NIPAL3: variants seen among roughly 807,000 people sequenced by gnomAD.
NIPAL3 encodes the protein NIPA-like protein 3.
In NIPAL3, 41 loss-of-function variants were observed where a neutral mutation model predicts 47.2. The observed-to-expected ratio is 0.87, with a 90% CI of 0.68 to 1.13. The LOEUF is 1.13. Among genes scored for constraint, NIPAL3 ranks in the 50% most tolerant of loss-of-function variants. NIPAL3 has a pLI of 0.00. For synonymous variants in NIPAL3, 194 were observed against 209.6 expected (o/e 0.93, Z 0.64); for missense variants, 449 against 530.1 (o/e 0.85, Z 1.50).
At chr1:24,436,039 A>G (rs1645088713) in intron 2 of NIPAL3, among the ~76,000 whole-genome samples, 1 of 152,146 alleles carries the variant, frequency 6.6e-6, no homozygotes, top group Admixed American at 6.5e-5. Context: ...TTTTATAAGA[A>G]CACTAATTCC....
At chr1:24,445,107 C>T in intron 4 of NIPAL3, 78 bp from the exon 5 acceptor site, 1 of 991,490 alleles carries the variant, frequency 1.0e-6, no homozygotes, top group Non-Finnish European at 1.6e-6. Context: ...AAAGAAGCCA[C>T]CCAGAGGGCA....
chr1:24,425,398 T>A (rs1043772269), intron 2 of NIPAL3, among the ~76,000 whole-genome samples: 1 of 152,206 alleles, frequency 6.6e-6, no homozygotes, highest in Non-Finnish European at 1.5e-5. Flanking sequence ...TCTTCCAATG[T>A]GGCCCAGGGA....
At position 24,460,679 on chromosome 1, in the gene NIPAL3, C is replaced by T. The variant is rs1408755093; in HGVS notation, c.926+135C>T. ...GAGCTGTGGGGTTTTGGAGCTTTGTCCCCAGAGGTGAGCGTTTTATTCCTC... is the reference window on the plus strand; with the variant it reads ...GAGCTGTGGGGTTTTGGAGCTTTGTTCCCAGAGGTGAGCGTTTTATTCCTC... On this transcript the variant is annotated intron_variant, in intron 10 of 11. Coordinates refer to ENST00000374399, the MANE Select transcript of NIPAL3 (RefSeq NM_020448.5). 3 of 647,990 alleles carry T rather than the reference C, an allele frequency of 4.6e-6. No individual in the cohort carries two copies. In the African/African-American group the frequency reaches 5.8e-5, roughly 13 times the overall value. The allele number at this position is 647,990 out of a possible 1,614,324, so 40.1% of individuals were successfully genotyped here.
At chr1:24,415,741 C>T, upstream of NIPAL3, 5 of 658,196 alleles carry the variant, frequency 7.6e-6, no homozygotes, top group South Asian at 1.3e-4. Context: ...GACTGGCAGG[C>T]AGTCTGGCAA....
At chr1:24,460,354 G>T in intron 9 of NIPAL3, 127 bp from the exon 10 acceptor site, 1 of 727,790 alleles carries the variant, frequency 1.4e-6, no homozygotes, top group South Asian at 1.9e-5. Flanking sequence ...TTCTTGTAAG[G>T]CACAGTCATA....
intron 5 of NIPAL3, among the ~76,000 whole-genome samples, chr1:24,448,114 A>G (rs917564870): frequency 6.6e-6 from 1 of 152,196 alleles, no homozygotes; most frequent in Admixed American, 6.5e-5. Flanking sequence ...CACCTCCTAC[A>G]TTTACGAGGC....
At chr1:24,442,875 C>G (rs768243537) in intron 4 of NIPAL3, among the ~76,000 whole-genome samples, 2 of 152,216 alleles carry the variant, frequency 1.3e-5, no homozygotes, top group Non-Finnish European at 2.9e-5. Context: ...GAAACAGAAG[C>G]AGGAGGATCC....
chr1:24,461,730 A>C (rs970797664), intron 10 of NIPAL3, among the ~76,000 whole-genome samples: 13 of 151,508 alleles, frequency 8.6e-5, no homozygotes, highest in Admixed American at 7.2e-4. Flanking sequence ...TTAGCCAGGC[A>C]TGGTGGCAGG....
At chr1:24,437,320 C>A (rs564676246) in intron 2 of NIPAL3, among the ~76,000 whole-genome samples, 1 of 152,274 alleles carries the variant, frequency 6.6e-6, no homozygotes, top group Non-Finnish European at 1.5e-5. Flanking sequence ...ATAATTAGTT[C>A]TGTGGTAAGG....
chr1:24,430,417 T>C (rs1443528819), intron 2 of NIPAL3, among the ~76,000 whole-genome samples: 2 of 152,048 alleles, frequency 1.3e-5, no homozygotes, highest in East Asian at 3.9e-4. Flanking sequence ...ACCTGGCTAA[T>C]TTTTGTATTT....
chr1:24,454,325 C>T lies in NIPAL3; in HGVS notation c.637+821C>T. On this transcript the variant is annotated intron_variant, in intron 7 of 11. Transcript: ENST00000374399. This position sits in a 1 kb window ranked among gnomAD's most constrained non-coding sequence, Gnocchi z 4.1. ...TGCTACCGCGCTGCTCTTGAGTGGC[C>T]TCAGGCTAATGACCCTCCCTCCTTA... 5 of 1,115,000 alleles carry T rather than the reference C, an allele frequency of 4.5e-6. No homozygotes were observed. The highest frequency in any genetic ancestry group is 4.4e-6 in the Non-Finnish European group (4 of 905,374). 69.1% of individuals were successfully genotyped at this position (1,115,000 alleles called of 1,614,324 possible).
In NIPAL3 at chr1:24,454,099, T is replaced by C. The variant is rs1276679850; in HGVS notation, c.637+595T>C. The C allele has an allele frequency of 1.1e-6, 1 of 933,166 alleles. No individual in the cohort carries two copies. Among genetic ancestry groups the C allele is most frequent in the Admixed American group, 2.4e-5 (1 of 41,282 alleles). 57.8% of individuals were successfully genotyped at this position (933,166 alleles called of 1,614,324 possible). ...TGGAGTGCAGTGGTACAATCTTAGC[T>C]CTCTGCAGCCTTGACCTCCTGGCCT... On this transcript the variant is annotated intron_variant, in intron 7 of 11. Coordinates refer to ENST00000374399, the MANE Select transcript of NIPAL3 (RefSeq NM_020448.5). The surrounding 1 kb of genome is among the most constrained non-coding windows in gnomAD (Gnocchi z 4.1).
Position 24,442,207 on chromosome 1 carries a change from C to G in NIPAL3, c.315C>G (p.Leu105=). 1 of 1,614,056 alleles carries G rather than the reference C, an allele frequency of 6.2e-7. No individual in the cohort carries two copies. The highest frequency in any genetic ancestry group is 2.2e-5 in the East Asian group (1 of 44,882). Residue 105 remains leucine (L), a synonymous_variant, in exon 4 of 12, where the codon CTC becomes CTG. Transcript: ENST00000374399. ...AFAPLSLIVP[L]SAVSVIASAI... is the part of the protein sequence containing the mutation. ...CGCCGCTGTCACTCATCGTGCCCCT[C>G]AGCGCAGTTTCTGTGATAGGTAAGA... is the stretch of plus-strand genomic sequence containing the variant.
At position 24,456,036 on chromosome 1, in the gene NIPAL3, C is replaced by T. The variant is rs181145743; in HGVS notation, c.638-102C>T. On this transcript the variant is annotated intron_variant, in intron 7 of 11. Coordinates refer to ENST00000374399, the MANE Select transcript of NIPAL3 (RefSeq NM_020448.5). ...GCTTGACTCTGTTCCTGTTCCCTCCCCTCTGTCTCCCCAAGTCCTTTGGGG... is the reference window on the plus strand; with the variant it reads ...GCTTGACTCTGTTCCTGTTCCCTCCTCTCTGTCTCCCCAAGTCCTTTGGGG... The T allele has an allele frequency of 2.2e-4, 309 of 1,398,604 alleles. 2 individuals carry two copies. In the African/African-American group the frequency reaches 4.0e-3, roughly 18 times the overall value. The allele number at this position is 1,398,604 out of a possible 1,614,324, so 86.6% of individuals were successfully genotyped here. A position where few individuals can be genotyped will look rare whatever the true frequency, so the allele number is the denominator to read the frequency against.
At chr1:24,420,546 A>C (rs1240200714) in intron 2 of NIPAL3, among the ~76,000 whole-genome samples, 1 of 152,102 alleles carries the variant, frequency 6.6e-6, no homozygotes, top group Non-Finnish European at 1.5e-5. Flanking sequence ...TATGTATATC[A>C]CCTACTCCAT....
intron 3 of NIPAL3, 109 bp downstream of exon 3, chr1:24,440,349 C>A: frequency 1.3e-6 from 1 of 752,500 alleles, no homozygotes; most frequent in Non-Finnish European, 2.0e-6. Context: ...CCTACTGCAT[C>A]CCTGGGCTGC....
In NIPAL3 at chr1:24,443,204, T is replaced by C. The variant is rs1366779226; in HGVS notation, c.334+978T>C. ...AAAGACAAGGGAGCTTTAATGTTCA[T>C]GAGAACACAAGCAAAACAGAATTAG... On this transcript the variant is annotated intron_variant, in intron 4 of 11. Coordinates refer to ENST00000374399, the MANE Select transcript of NIPAL3 (RefSeq NM_020448.5). Among the ~76,000 whole-genome samples, 9 of 152,142 alleles carry C rather than the reference T, an allele frequency of 5.9e-5. No homozygotes were observed. In the East Asian group the frequency reaches 1.3e-3, roughly 23 times the overall value.
rs1646838553 is a variant in NIPAL3 at position 24,469,613 on chromosome 1, G to C, written c.*428G>C. On this transcript the variant is annotated 3_prime_UTR_variant, in exon 12 of 12. Coordinates refer to ENST00000374399, the MANE Select transcript of NIPAL3 (RefSeq NM_020448.5). Reference sequence around the variant, plus strand: ...AATCTCGTCTTCCTCCACCTCATGTGCATGCCTGATCTCACCCTGACACTC... The same window carrying C: ...AATCTCGTCTTCCTCCACCTCATGTCCATGCCTGATCTCACCCTGACACTC... 6.0e-6 allele frequency: 1 copy of C among 167,408 alleles called. No individual in the cohort carries two copies. The highest frequency in any genetic ancestry group is 1.3e-5 in the Non-Finnish European group (1 of 76,634). 10.4% of individuals were successfully genotyped at this position (167,408 alleles called of 1,614,324 possible). A position where few individuals can be genotyped will look rare whatever the true frequency, so the allele number is the denominator to read the frequency against.
chr1:24,440,258 G>A lies in NIPAL3; in HGVS notation c.162+18G>A, dbSNP rs1347542787. The A allele has an allele frequency of 1.3e-6, 2 of 1,565,306 alleles. No homozygotes were observed. The highest frequency in any genetic ancestry group is 1.4e-5 in the African/African-American group (1 of 73,028). Reference sequence around the variant, plus strand: ...ACCTCCAGGTAAGTTTCAGTTACCAGCACTGTCTGGGGACAGAGACACAGC... The same window carrying A: ...ACCTCCAGGTAAGTTTCAGTTACCAACACTGTCTGGGGACAGAGACACAGC... On this transcript the variant is annotated intron_variant, in intron 3 of 11. Coordinates refer to ENST00000374399, the MANE Select transcript of NIPAL3 (RefSeq NM_020448.5).
Sources: gnomAD v4.1 joint callset for allele counts (sites outside exome capture counted in the v4.1 genomes callset) on GRCh38, gnomAD v4.1.1 for gene constraint, Gnocchi (gnomAD v3.1) non-coding constraint, MANE v1.5 for transcripts, NCBI Gene and HGNC (gene_info 2026-07-23, HGNC 2026-07-21) for gene names.